Variants in CCNT2 observed in about 807,000 individuals in gnomAD.
CCNT2 encodes the protein cyclin T2.
CCNT2 carries 18 observed loss-of-function variants against 70.0 expected under a neutral mutation model. The ratio of observed to expected loss-of-function variants is 0.26; its 90% CI spans 0.18 to 0.38. The LOEUF (loss-of-function observed/expected upper bound fraction) is 0.38, where lower values mean the gene tolerates loss of function less well. Ranked by LOEUF, CCNT2 falls within the 10% of genes least tolerant of loss-of-function variation. CCNT2 has a pLI of 1.00. For synonymous variants in CCNT2, 334 were observed against 313.3 expected (o/e 1.07, Z -0.70); for missense variants, 734 against 890.2 (o/e 0.82, Z 2.23).
chr2:134,958,493 G>T lies in CCNT2; in HGVS notation c.*3845G>T, dbSNP rs944321492. The T allele has an allele frequency of 6.6e-6, 1 of 152,190 alleles. No homozygotes were observed. The highest frequency in any genetic ancestry group is 1.5e-5 in the Non-Finnish European group (1 of 68,038). 9.4% of individuals were successfully genotyped at this position (152,190 alleles called of 1,614,324 possible). ...TAGGTGCTAATCTCATGTGCCCTAA[G>T]ATGGACTTATTTAGATAGGGATTTT... On this transcript the variant is annotated 3_prime_UTR_variant, in exon 9 of 9. Coordinates refer to ENST00000264157, the MANE Select transcript of CCNT2 (RefSeq NM_058241.3).
chr2:134,957,816 G>A lies in CCNT2; in HGVS notation c.*3168G>A, dbSNP rs987556829. Reference sequence around the variant, plus strand: ...AGTTCTTATTCAGAGTCATCTAAAAGAAATTTCTAACATGATGTATGGTTT... The same window carrying A: ...AGTTCTTATTCAGAGTCATCTAAAAAAAATTTCTAACATGATGTATGGTTT... On this transcript the variant is annotated 3_prime_UTR_variant, in exon 9 of 9. Coordinates refer to ENST00000264157, the MANE Select transcript of CCNT2 (RefSeq NM_058241.3). 6 of 152,134 alleles carry A rather than the reference G, an allele frequency of 3.9e-5. No individual in the cohort carries two copies. The highest frequency in any genetic ancestry group is 1.3e-4 in the Admixed American group (2 of 15,254). The allele number at this position is 152,134 out of a possible 1,614,324, so 9.4% of individuals were successfully genotyped here.
At chr2:134,937,611 A>G (rs1382145209) in intron 3 of CCNT2, among the ~76,000 whole-genome samples, 1 of 152,202 alleles carries the variant, frequency 6.6e-6, no homozygotes, top group Non-Finnish European at 1.5e-5. Context: ...GGAAGTTAGA[A>G]TTATGGCCCT....
intron 2 of CCNT2, among the ~76,000 whole-genome samples, chr2:134,923,734 G>A (rs1031422850): frequency 3.3e-5 from 5 of 152,192 alleles, no homozygotes; most frequent in South Asian, 2.1e-4. Context: ...ATTCTCCTAA[G>A]GAAGCAGACG....
chr2:134,945,246 G>A (rs1573843792), intron 5 of CCNT2: 3 of 985,386 alleles, frequency 3.0e-6, no homozygotes, highest in African/African-American at 1.7e-5. Context: ...ATTTGAGGAC[G>A]GTTAGAGGGG....
At chr2:134,949,806 G>GGC (rs60320805) in intron 7 of CCNT2, among the ~76,000 whole-genome samples, 122 of 138,608 alleles carry the variant, frequency 8.8e-4, no homozygotes, top group African/African-American at 3.0e-3. Flanking sequence ...TTTTTTCGGG[G>GGC]GGGGGGTGGG....
chr2:134,943,397 A>G (rs1681709761), intron 5 of CCNT2: 1 of 975,290 alleles, frequency 1.0e-6, no homozygotes, highest in Non-Finnish European at 1.2e-6. Context: ...GTGAGACCCT[A>G]TCTCAAAAAA....
chr2:134,919,191 G>C (rs1679647794), intron 1 of CCNT2, among the ~76,000 whole-genome samples, 179 bp downstream of exon 1: 1 of 152,194 alleles, frequency 6.6e-6, no homozygotes, highest in Non-Finnish European at 1.5e-5. Flanking sequence ...GGGAGGAGGA[G>C]ATAGGACCCC....
chr2:134,919,164 A>G, intron 1 of CCNT2, 152 bp downstream of exon 1: 1 of 835,360 alleles, frequency 1.2e-6, no homozygotes, highest in Non-Finnish European at 1.8e-6. Context: ...GGCAGTCGCG[A>G]GGGGTCAGCA....
At chr2:134,919,932 G>C (rs2105003145) in intron 2 of CCNT2, 41 bp downstream of exon 2, 6 of 1,399,006 alleles carry the variant, frequency 4.3e-6, no homozygotes, top group Non-Finnish European at 6.0e-6. Context: ...GCAAATTTGA[G>C]GGTAAATCGA....
At chr2:134,936,096 G>T (rs1681126288) in intron 2 of CCNT2, among the ~76,000 whole-genome samples, 2 of 150,202 alleles carry the variant, frequency 1.3e-5, no homozygotes, top group African/African-American at 4.9e-5. Flanking sequence ...ATTAGAAAAT[G>T]GTGACTCTGT....
chr2:134,919,025 G>T lies in CCNT2; in HGVS notation c.158+13G>T. 1 of 1,587,646 alleles carries T rather than the reference G, an allele frequency of 6.3e-7. No homozygotes were observed. The highest frequency in any genetic ancestry group is 2.3e-5 in the East Asian group (1 of 43,856). On this transcript the variant is annotated intron_variant, in intron 1 of 8. Coordinates refer to ENST00000264157, the MANE Select transcript of CCNT2 (RefSeq NM_058241.3). ...AGCGTCTCAATGTGTATCCTTTTCT[G>T]TTCGCCGCCGCTCACGCCCTGTTTC... is the stretch of plus-strand genomic sequence containing the variant.
chr2:134,953,426 A>T lies in CCNT2; in HGVS notation c.971A>T (p.Asp324Val), dbSNP rs1362735949. ...PLNSGNISVQ[D>V]SHTSDNLSML... ...AATTCAGGAAATATTTCTGTTCAAG[A>T]CAGCCATACATCTGATAATTTGTCA... Residue 324 changes from aspartate (D) to valine (V), a missense_variant, in exon 9 of 9, where the codon GAC becomes GTC. Coordinates refer to ENST00000264157, the MANE Select transcript of CCNT2 (RefSeq NM_058241.3). 6 of 1,611,022 alleles carry T rather than the reference A, an allele frequency of 3.7e-6. No individual in the cohort carries two copies. In the South Asian group the frequency reaches 6.6e-5, roughly 18 times the overall value.
intron 2 of CCNT2, among the ~76,000 whole-genome samples, chr2:134,922,278 ACTATAT>A (rs1166457212): frequency 6.6e-6 from 1 of 152,238 alleles, no homozygotes; most frequent in African/African-American, 2.4e-5. Context: ...CTAGTGACAA[ACTATAT>A]CTAGTCTTAT....
chr2:134,941,075 A>G (rs1190805229), intron 4 of CCNT2, among the ~76,000 whole-genome samples: 1 of 152,248 alleles, frequency 6.6e-6, no homozygotes, highest in Non-Finnish European at 1.5e-5. Flanking sequence ...AGGCATACCT[A>G]TGGACTCTAA....
At chr2:134,949,583 C>T (rs1368988109) in intron 7 of CCNT2, among the ~76,000 whole-genome samples, 1 of 152,160 alleles carries the variant, frequency 6.6e-6, no homozygotes, top group Non-Finnish European at 1.5e-5. Flanking sequence ...ATATATATCT[C>T]ATGCTGTATT....
At chr2:134,920,898 C>T (rs1405816010) in intron 2 of CCNT2, among the ~76,000 whole-genome samples, 1 of 152,194 alleles carries the variant, frequency 6.6e-6, no homozygotes, top group African/African-American at 2.4e-5. Context: ...CTACCTTAAT[C>T]TCTTCGGATC....
chr2:134,936,851 C>G lies in CCNT2; in HGVS notation c.251C>G (p.Ser84Cys). ...TTATCTTTTCTGCAGATAATATCGT[C>G]TACTGCATTATTTTTGGCTGCAAAA... is the stretch of plus-strand genomic sequence containing the variant. ...FTKFNKNIIS[S>C]TALFLAAKVE... Residue 84 changes from serine (S) to cysteine (C), a missense_variant, in exon 3 of 9, where the codon TCT becomes TGT. Physicochemically the swap from Ser to Cys is moderately radical, Grantham distance 112 (BLOSUM62 -1). Transcript: ENST00000264157. 6.2e-7 allele frequency: 1 copy of G among 1,612,774 alleles called. No individual in the cohort carries two copies. Among genetic ancestry groups the G allele is most frequent in the Non-Finnish European group, 8.5e-7 (1 of 1,179,262 alleles).
chr2:134,935,856 A>C (rs893299796), intron 2 of CCNT2, among the ~76,000 whole-genome samples: 3 of 152,112 alleles, frequency 2.0e-5, no homozygotes, highest in African/African-American at 7.2e-5. Flanking sequence ...CAAAGTTTCT[A>C]CTATATTGGT....
rs1410233347 is a variant in CCNT2, at chr2:134,954,624, A to T, written c.2169A>T (p.Leu723Phe). ...CATTCGACATGCTGGACTCACTGTTAAGTGCCCAAGGAATGAACATGTAAT... is the reference window on the plus strand; with the variant it reads ...CATTCGACATGCTGGACTCACTGTTTAGTGCCCAAGGAATGAACATGTAAT... ...KDTFDMLDSL[L>F]SAQGMNM The change falls in exon 9 of 9, where the codon TTA (leucine) becomes TTT (phenylalanine). Residue 723 changes from leucine to phenylalanine, a missense_variant. Leu to Phe is a conservative substitution (Grantham distance 22, BLOSUM62 0). Coordinates refer to ENST00000264157, the MANE Select transcript of CCNT2 (RefSeq NM_058241.3). 1 of 1,606,200 alleles carries T rather than the reference A, an allele frequency of 6.2e-7. No homozygotes were observed. The highest frequency in any genetic ancestry group is 1.3e-5 in the African/African-American group (1 of 74,788).
Sources: allele counts gnomAD v4.1 joint callset (sites outside exome capture counted in the v4.1 genomes callset), GRCh38; gene constraint gnomAD v4.1.1; transcripts MANE v1.5; gene names NCBI Gene and HGNC (gene_info 2026-07-23, HGNC 2026-07-21).